Variants in RIMBP2 observed in about 807,000 individuals in gnomAD.
RIMBP2 encodes the protein RIMS binding protein 2, also known as RIMS-binding protein 2.
In RIMBP2, 48 loss-of-function variants were observed where a neutral mutation model predicts 118.6. The observed-to-expected ratio is 0.40, with a 90% CI of 0.32 to 0.51. The LOEUF (loss-of-function observed/expected upper bound fraction) is 0.51. Among genes scored for constraint, RIMBP2 ranks in the 20% least tolerant of loss-of-function variants. The pLI, the probability that RIMBP2 is intolerant of heterozygous loss-of-function variation, is 0.41. For missense variants in RIMBP2, 1,551 were observed against 1,768.3 expected, an observed-to-expected ratio of 0.88 and a Z score of 2.20; for synonymous variants, 762 against 742.9, an observed-to-expected ratio of 1.03 and a Z score of -0.42.
chr12:130,575,996 C>T (rs777256315), intron 2 of RIMBP2, among the ~76,000 whole-genome samples: 7 of 152,160 alleles, frequency 4.6e-5, no homozygotes, highest in Non-Finnish European at 1.0e-4. Flanking sequence ...AGGGAGTGAG[C>T]TGGGTGGCTC....
At chr12:130,649,624 G>C (rs1188336247) in intron 1 of RIMBP2, among the ~76,000 whole-genome samples, 1 of 152,160 alleles carries the variant, frequency 6.6e-6, no homozygotes, top group Admixed American at 6.5e-5. Context: ...CCACATAGGA[G>C]ACCCCCAAAC....
chr12:130,408,629 G>T (rs2075403985), intron 19 of RIMBP2, among the ~76,000 whole-genome samples: 1 of 152,194 alleles, frequency 6.6e-6, no homozygotes, highest in Non-Finnish European at 1.5e-5. Flanking sequence ...ACGTAAGGAG[G>T]CCTCAGTGCA....
chr12:130,591,320 C>T (rs928398807), intron 2 of RIMBP2, among the ~76,000 whole-genome samples: 1 of 152,158 alleles, frequency 6.6e-6, no homozygotes, highest in Non-Finnish European at 1.5e-5. Context: ...CCTGTCGCAA[C>T]CACTTTGCCA....
At chr12:130,482,784 G>T (rs372340169) in intron 4 of RIMBP2, among the ~76,000 whole-genome samples, 8 of 129,932 alleles carry the variant, frequency 6.2e-5, no homozygotes, top group Admixed American at 4.9e-4. Flanking sequence ...GGAGGGGGCA[G>T]ACCTCATCCC....
chr12:130,663,212 ACCTTCCTCC>A (rs1290397887), intron 1 of RIMBP2, among the ~76,000 whole-genome samples: 1 of 152,038 alleles, frequency 6.6e-6, no homozygotes, highest in African/African-American at 2.4e-5. Context: ...AGTATCTGCC[ACCTTCCTCC>A]CCTCCTGCTC....
intron 1 of RIMBP2, among the ~76,000 whole-genome samples, chr12:130,641,462 A>T (rs59828383): frequency 4.1e-4 from 45 of 110,516 alleles, no homozygotes; most frequent in South Asian, 1.8e-3. Flanking sequence ...TCGGCCCGGC[A>T]TCACGGGCTG....
At chr12:130,421,689 A>ATGTGTG (rs1336875443) in intron 17 of RIMBP2, among the ~76,000 whole-genome samples, 302 of 106,990 alleles carry the variant, frequency 2.8e-3, no homozygotes, top group Middle Eastern at 0.013. Flanking sequence ...CCCTGCATTT[A>ATGTGTG]TATGTGTGTG....
chr12:130,444,061 C>T (rs1285453283), intron 10 of RIMBP2, among the ~76,000 whole-genome samples: 5 of 152,198 alleles, frequency 3.3e-5, no homozygotes, highest in Non-Finnish European at 1.5e-5. Flanking sequence ...TCCTGGAATG[C>T]TTCTGTGGGC....
intron 19 of RIMBP2, among the ~76,000 whole-genome samples, chr12:130,409,460 G>T (rs558671419): frequency 6.8e-6 from 1 of 146,344 alleles, no homozygotes. Context: ...CTCCTGCTTC[G>T]GCCTCCTGAG....
chr12:130,452,498 T>C (rs1197830453), intron 7 of RIMBP2, among the ~76,000 whole-genome samples: 1 of 152,150 alleles, frequency 6.6e-6, no homozygotes, highest in Admixed American at 6.5e-5. Flanking sequence ...AGGTGCAAAG[T>C]GAATATCGAA....
At chr12:130,437,398 G>T in intron 12 of RIMBP2, 107 bp from the exon 13 acceptor site, 1 of 936,154 alleles carries the variant, frequency 1.1e-6, no homozygotes, top group Non-Finnish European at 1.6e-6. Flanking sequence ...AAAGGATCAT[G>T]CCCAGCGACC....
At chr12:130,454,348 AAAC>A (rs2079238566) in intron 7 of RIMBP2, among the ~76,000 whole-genome samples, 1 of 152,260 alleles carries the variant, frequency 6.6e-6, no homozygotes, top group South Asian at 2.1e-4. Context: ...AGAAAGAATA[AAAC>A]AAGAGGAGAC....
intron 20 of RIMBP2, among the ~76,000 whole-genome samples, chr12:130,406,723 T>C (rs2075211929): frequency 6.6e-6 from 1 of 152,232 alleles, no homozygotes; most frequent in Non-Finnish European, 1.5e-5. Context: ...CTCGGCCCAC[T>C]GCAACCTCTG....
At chr12:130,403,091 C>T (rs894383529) in intron 21 of RIMBP2, among the ~76,000 whole-genome samples, 1 of 152,142 alleles carries the variant, frequency 6.6e-6, no homozygotes, top group African/African-American at 2.4e-5. Context: ...GGTGATATTA[C>T]AATATTAGGA....
At chr12:130,445,113 T>G (rs570678587) in intron 10 of RIMBP2, 47 bp downstream of exon 10, 1 of 1,274,538 alleles carries the variant, frequency 7.8e-7, no homozygotes, top group Admixed American at 2.2e-5. Flanking sequence ...GTCTGCGGGG[T>G]GGACTGGCCC....
At chr12:130,615,652 T>C (rs916993352) in intron 2 of RIMBP2, among the ~76,000 whole-genome samples, 1 of 151,964 alleles carries the variant, frequency 6.6e-6, no homozygotes, top group African/African-American at 2.4e-5. Flanking sequence ...CCCCAAGGCC[T>C]AGCTGTGGGG....
intron 3 of RIMBP2, among the ~76,000 whole-genome samples, chr12:130,508,396 T>C (rs1054872753): frequency 1.3e-5 from 2 of 151,948 alleles, no homozygotes; most frequent in Non-Finnish European, 2.9e-5. Flanking sequence ...CTGTTGCCAC[T>C]ATGCTGGGGA....
chr12:130,635,134 T>G (rs2062272842), intron 1 of RIMBP2, among the ~76,000 whole-genome samples: 1 of 152,172 alleles, frequency 6.6e-6, no homozygotes, highest in African/African-American at 2.4e-5. Flanking sequence ...GACATGCCTT[T>G]CATCAGATTG....
At chr12:130,654,193 TTAACTA>T (rs1161086281) in intron 1 of RIMBP2, among the ~76,000 whole-genome samples, 1 of 152,244 alleles carries the variant, frequency 6.6e-6, no homozygotes, top group African/African-American at 2.4e-5. Context: ...TGCTTCCTTT[TTAACTA>T]TAAGTTCCAA....
Sources: allele counts gnomAD v4.1 joint callset (sites outside exome capture counted in the v4.1 genomes callset), GRCh38; gene constraint gnomAD v4.1.1; transcripts MANE v1.5; gene names NCBI Gene and HGNC (gene_info 2026-07-23, HGNC 2026-07-21).